Variants in PI4KA observed in about 807,000 individuals in gnomAD.
PI4KA encodes PI4-kinase alpha.
PI4KA carries 122 observed loss-of-function variants against 271.4 expected under a neutral mutation model. The observed-to-expected ratio is 0.45, with a 90% CI of 0.39 to 0.52. The LOEUF (loss-of-function observed/expected upper bound fraction) is 0.52, where lower values mean the gene tolerates loss of function less well. Ranked by LOEUF, PI4KA falls within the 20% of genes least tolerant of loss-of-function variation. The probability of loss-of-function intolerance (pLI) is 0.00; values close to 1 mark genes in which losing one functional copy is unlikely to be tolerated. For synonymous variants in PI4KA, 1,041 were observed against 1,078.8 expected, an observed-to-expected ratio of 0.96 and a Z score of 0.69; for missense variants, 1,969 against 2,769.1, an observed-to-expected ratio of 0.71 and a Z score of 6.48.
At chr22:20,727,632 C>T (rs918170594) in intron 40 of PI4KA, 142 bp downstream of exon 40, 31 of 711,092 alleles carry the variant, frequency 4.4e-5, no homozygotes, top group African/African-American at 3.8e-4. Context: ...AAATAGAAAA[C>T]ACAGGAAATC....
chr22:20,787,153 C>G, intron 19 of PI4KA: 1 of 1,242,486 alleles, frequency 8.0e-7, no homozygotes, highest in South Asian at 1.2e-5. Flanking sequence ...GTTCTGGCAT[C>G]ATTTACGTAG....
chr22:20,779,220 G>A (rs1569022582), intron 19 of PI4KA: 2 of 1,604,598 alleles, frequency 1.2e-6, no homozygotes, highest in Non-Finnish European at 1.7e-6. Context: ...AAGCCACAGG[G>A]AACCTGCCAT....
intron 3 of PI4KA, among the ~76,000 whole-genome samples, chr22:20,831,404 T>C (rs576057838): frequency 5.6e-4 from 85 of 152,024 alleles, no homozygotes; most frequent in African/African-American, 2.0e-3. Context: ...CTGTCTCTAC[T>C]AAAAATACAA....
chr22:20,821,847 G>A (rs1465364271), intron 4 of PI4KA, among the ~76,000 whole-genome samples: 4 of 152,076 alleles, frequency 2.6e-5, no homozygotes, highest in African/African-American at 7.2e-5. Flanking sequence ...CACCCACCTC[G>A]GCCTCCCAAG....
At chr22:20,809,890 A>C (rs1935896654) in intron 9 of PI4KA, among the ~76,000 whole-genome samples, 1 of 152,212 alleles carries the variant, frequency 6.6e-6, no homozygotes, top group Non-Finnish European at 1.5e-5. Flanking sequence ...TGGCAGGGGT[A>C]CGAAGCAGGA....
At chr22:20,742,963 T>C in intron 30 of PI4KA, 199 bp from the exon 31 acceptor site, 1 of 572,350 alleles carries the variant, frequency 1.7e-6, no homozygotes, top group Non-Finnish European at 3.1e-6. Context: ...AAAGAACAGC[T>C]CCTCTAGAAA....
At chr22:20,786,110 A>G in intron 19 of PI4KA, 5 of 1,614,138 alleles carry the variant, frequency 3.1e-6, no homozygotes, top group Non-Finnish European at 3.4e-6. Context: ...AAATGGCAAC[A>G]TGGCAGGCAT....
chr22:20,803,363 AC>A (rs776609536), intron 12 of PI4KA, 43 bp from the exon 13 acceptor site: 1 of 1,612,460 alleles, frequency 6.2e-7, no homozygotes, highest in Non-Finnish European at 8.5e-7. Context: ...GTGGTATGGG[AC>A]CATCTGAGTA....
chr22:20,755,274 G>C (rs1431037793), intron 23 of PI4KA, among the ~76,000 whole-genome samples: 2 of 152,108 alleles, frequency 1.3e-5, no homozygotes, highest in African/African-American at 4.8e-5. Context: ...CTTTCAGGTT[G>C]GCTCCTGTGT....
At chr22:20,833,117 A>G (rs528247442) in intron 3 of PI4KA, among the ~76,000 whole-genome samples, 2 of 152,170 alleles carry the variant, frequency 1.3e-5, no homozygotes, top group East Asian at 3.9e-4. Context: ...GATTGGGTTC[A>G]GTCAACTGGC....
intron 32 of PI4KA, among the ~76,000 whole-genome samples, chr22:20,739,437 C>T (rs1929142819): frequency 6.7e-6 from 1 of 148,246 alleles, no homozygotes; most frequent in Non-Finnish European, 1.5e-5. Flanking sequence ...AATTTGACGT[C>T]AGCCTGGGCA....
intron 10 of PI4KA, among the ~76,000 whole-genome samples, chr22:20,806,731 C>CT (rs1368266011): frequency 2.0e-5 from 3 of 151,794 alleles, no homozygotes; most frequent in Admixed American, 6.6e-5. Flanking sequence ...ACTTCATTTT[C>CT]TTTTTTTTAA....
At chr22:20,766,723 G>A (rs185981044) in intron 19 of PI4KA, among the ~76,000 whole-genome samples, 6 of 152,238 alleles carry the variant, frequency 3.9e-5, no homozygotes, top group Non-Finnish European at 5.9e-5. Flanking sequence ...TGATCCTTAC[G>A]GACCCCCCAG....
chr22:20,838,573 C>T (rs377654477), intron 2 of PI4KA, 42 bp downstream of exon 2: 27 of 1,098,548 alleles, frequency 2.5e-5, no homozygotes, highest in East Asian at 1.9e-4. Context: ...TCACTACACC[C>T]CCTTTTACAA....
chr22:20,834,700 A>C (rs531936537), intron 2 of PI4KA, 45 bp from the exon 3 acceptor site: 1 of 1,250,224 alleles, frequency 8.0e-7, no homozygotes, highest in East Asian at 2.5e-5. Flanking sequence ...TAATAAAATA[A>C]GTGATTGGCA....
At position 20,727,410 on chromosome 22, in the gene PI4KA, T is replaced by A. The variant is rs781437199; in HGVS notation, c.4774-13A>T. The A allele has an allele frequency of 2.5e-6, 4 of 1,590,158 alleles. No individual in the cohort carries two copies. The South Asian group carries it at 4.5e-5, about 18-fold the overall frequency. On this transcript the variant is annotated splice_polypyrimidine_tract_variant and intron_variant, in intron 40 of 54. Transcript: ENST00000255882. ...AGGTGACCAGGAACTGCAGAGAAGG[T>A]GGGGAGATGCTGTGGCTTGGGCAGT... is the stretch of plus-strand genomic sequence containing the variant.
intron 19 of PI4KA, among the ~76,000 whole-genome samples, chr22:20,768,045 A>G (rs1450890066): frequency 1.3e-5 from 2 of 151,838 alleles, no homozygotes; most frequent in Non-Finnish European, 2.9e-5. Context: ...GGGAGGGGAG[A>G]AAGATCACAC....
intron 23 of PI4KA, among the ~76,000 whole-genome samples, chr22:20,758,818 C>T (rs527623893): frequency 7.9e-5 from 12 of 152,288 alleles, no homozygotes; most frequent in African/African-American, 2.9e-4. Flanking sequence ...ACCTCCCATC[C>T]CTGGCCTCAA....
In PI4KA at chr22:20,749,952, G is replaced by A. The variant is rs1357043822; in HGVS notation, c.3196C>T (p.Gln1066Ter). The A allele has an allele frequency of 6.2e-7, 1 of 1,613,542 alleles. No individual in the cohort carries two copies. Among genetic ancestry groups the A allele is most frequent in the Non-Finnish European group, 8.5e-7 (1 of 1,179,564 alleles). ...DFAARCGMIL[Q>*]EAMKWAPTVT... is the part of the protein sequence containing the mutation. ...GTAGGTGCCCACTTCATGGCCTCCT[G>A]GAGGATCATCCCACAGCGTGCAGCG... Residue 1066 changes from glutamine (Q) to a stop codon, truncating the protein, a stop_gained, in exon 28 of 55, where the codon CAG becomes TAG. Coordinates refer to ENST00000255882, the MANE Select transcript of PI4KA (RefSeq NM_058004.4). LOFTEE classifies it high-confidence loss of function.
Sources: gnomAD v4.1 joint callset for allele counts (sites outside exome capture counted in the v4.1 genomes callset) on GRCh38, gnomAD v4.1.1 for gene constraint, MANE v1.5 for transcripts, NCBI Gene and HGNC (gene_info 2026-07-23, HGNC 2026-07-21) for gene names.